The following IL6ST variants were observed in gnomAD, a reference collection of about 807,000 sequenced individuals.
IL6ST encodes interleukin 6 cytokine family signal transducer, also known as interleukin-6 receptor subunit beta.
A neutral mutation model predicts 91.3 loss-of-function variants in IL6ST; 24 were observed. That is an observed-to-expected ratio of 0.26 (90% confidence interval 0.19 to 0.37). The LOEUF is 0.37. Ranked by LOEUF, IL6ST falls within the 10% of genes least tolerant of loss-of-function variation. The pLI is 1.00. For synonymous variants in IL6ST, 351 were observed against 373.6 expected, an observed-to-expected ratio of 0.94 and a Z score of 0.70; for missense variants, 914 against 1,078.5, an observed-to-expected ratio of 0.85 and a Z score of 2.14.
intron 1 of IL6ST, among the ~76,000 whole-genome samples, chr5:55,991,053 T>C (rs1261273494): frequency 1.3e-5 from 2 of 152,202 alleles, no homozygotes; most frequent in African/African-American, 4.8e-5. Context: ...TCCATGTCCC[T>C]ACAAAGGACA....
chr5:55,979,698 A>G (rs1753529828), intron 2 of IL6ST, among the ~76,000 whole-genome samples: 1 of 152,228 alleles, frequency 6.6e-6, no homozygotes, highest in South Asian at 2.1e-4. Context: ...AAAACAAAGA[A>G]AAAAGCTCTA....
rs138205220 is a variant in IL6ST at position 55,941,607 on chromosome 5, A to G, written c.2232T>C (p.Ser744=). 23 of 1,614,056 alleles carry G rather than the reference A, an allele frequency of 1.4e-5. No individual in the cohort carries two copies. Among genetic ancestry groups the G allele is most frequent in the Non-Finnish European group, 1.7e-6 (2 of 1,180,014 alleles). ...TGTTTTGTGAAGATTCATTTTCATCACTGCTAGAAATGCTTGGCCTAGAAG... is the reference window on the plus strand; with the variant it reads ...TGTTTTGTGAAGATTCATTTTCATCGCTGCTAGAAATGCTTGGCCTAGAAG... ...MSSSRPSISS[S]DENESSQNTS... Residue 744 remains serine (S), a synonymous_variant, in exon 17 of 17, where the codon AGT becomes AGC. Transcript: ENST00000381298.
intron 1 of IL6ST, among the ~76,000 whole-genome samples, chr5:55,989,379 C>T (rs28508575): frequency 0.051 from 7,820 of 151,942 alleles, 708 homozygotes; most frequent in African/African-American, 0.18. Flanking sequence ...AAAAAAGAAC[C>T]CCATTTCATC....
intron 5 of IL6ST, among the ~76,000 whole-genome samples, chr5:55,966,959 A>G (rs1417799756): frequency 1.3e-5 from 2 of 151,978 alleles, no homozygotes; most frequent in Non-Finnish European, 2.9e-5. Context: ...TGGGGAAAAA[A>G]AAAAAATCAA....
Position 55,936,708 on chromosome 5 carries a change from G to C in IL6ST, c.*4374C>G, listed in dbSNP as rs755641316. 2.7e-4 allele frequency: 52 copies of C among 192,076 alleles called. No homozygotes were observed. The highest frequency in any genetic ancestry group is 4.1e-4 in the Non-Finnish European group (38 of 91,930). The allele number at this position is 192,076 out of a possible 1,614,324, so 11.9% of individuals were successfully genotyped here. ...AAGGGATTAGAGCTAATATATAATA[G>C]AACATTTAATATAACATTTGGAGTT... On this transcript the variant is annotated 3_prime_UTR_variant, in exon 17 of 17. Coordinates refer to ENST00000381298, the MANE Select transcript of IL6ST (RefSeq NM_002184.4).
rs1393295834 is a variant in IL6ST at position 55,936,472 on chromosome 5, C to T, written c.*4610G>A. ...CCATCTCCATTCTATGTTATTAAGA[C>T]CAAGATAGTGTACTGGTTTTCTTTT... On this transcript the variant is annotated 3_prime_UTR_variant, in exon 17 of 17. Coordinates refer to ENST00000381298, the MANE Select transcript of IL6ST (RefSeq NM_002184.4). 9.4e-6 allele frequency: 2 copies of T among 213,494 alleles called. No individual in the cohort carries two copies. The highest frequency in any genetic ancestry group is 1.9e-5 in the Non-Finnish European group (2 of 106,332). 13.2% of individuals were successfully genotyped at this position (213,494 alleles called of 1,614,324 possible). A position where few individuals can be genotyped will look rare whatever the true frequency, so the allele number is the denominator to read the frequency against.
intron 1 of IL6ST, among the ~76,000 whole-genome samples, chr5:55,985,264 C>T (rs73122422): frequency 0.033 from 5,045 of 152,028 alleles, 283 homozygotes; most frequent in African/African-American, 0.11. Context: ...ACTTGTAATC[C>T]CATCACTTTG....
At chr5:55,960,957 G>A (rs1752275908) in intron 7 of IL6ST, among the ~76,000 whole-genome samples, 1 of 151,956 alleles carries the variant, frequency 6.6e-6, no homozygotes, top group Non-Finnish European at 1.5e-5. Flanking sequence ...TTGAGACAGA[G>A]TCTCCCTCTG....
At chr5:55,960,878 G>T (rs944908896) in intron 7 of IL6ST, among the ~76,000 whole-genome samples, 1 of 152,026 alleles carries the variant, frequency 6.6e-6, no homozygotes, top group African/African-American at 2.4e-5. Flanking sequence ...CAATCCACTT[G>T]CCTCGGCCTC....
In IL6ST at chr5:55,940,188, A is replaced by G. The variant is rs1337787872; in HGVS notation, c.*894T>C. ...GCAATTTAAGCCTTTTAACATGCCAATTTTTTAGATGCTTTATTGGTTTTT... is the reference window on the plus strand; with the variant it reads ...GCAATTTAAGCCTTTTAACATGCCAGTTTTTTAGATGCTTTATTGGTTTTT... On this transcript the variant is annotated 3_prime_UTR_variant, in exon 17 of 17. Coordinates refer to ENST00000381298, the MANE Select transcript of IL6ST (RefSeq NM_002184.4). 4.8e-6 allele frequency: 1 copy of G among 207,578 alleles called. No individual in the cohort carries two copies. Among genetic ancestry groups the G allele is most frequent in the African/African-American group, 2.3e-5 (1 of 43,830 alleles). The allele number at this position is 207,578 out of a possible 1,614,324, so 12.9% of individuals were successfully genotyped here.
intron 2 of IL6ST, among the ~76,000 whole-genome samples, chr5:55,980,445 G>T (rs11747625): frequency 0.088 from 13,450 of 152,176 alleles, 675 homozygotes; most frequent in Middle Eastern, 0.14. Context: ...AGCTACTTGG[G>T]AGGCTGAGGC....
At position 55,937,734 on chromosome 5, in the gene IL6ST, ATTT is replaced by A. The variant is rs895383863; in HGVS notation, c.*3345_*3347del. On this transcript the variant is annotated 3_prime_UTR_variant, in exon 17 of 17. Coordinates refer to ENST00000381298, the MANE Select transcript of IL6ST (RefSeq NM_002184.4). ...CTGTAATAGAAAGCTATCCCAGTAA[ATTT>A]TTTTTGAACAATTGAACTTTTGTCT... 43 of 193,960 alleles carry A rather than the reference ATTT, an allele frequency of 2.2e-4. No homozygotes were observed. Among genetic ancestry groups the A allele is most frequent in the African/African-American group, 9.3e-4 (40 of 43,140 alleles). 12.0% of individuals were successfully genotyped at this position (193,960 alleles called of 1,614,324 possible). A position where few individuals can be genotyped will look rare whatever the true frequency, so the allele number is the denominator to read the frequency against.
intron 2 of IL6ST, among the ~76,000 whole-genome samples, chr5:55,981,764 T>C (rs1221854047): frequency 6.6e-6 from 1 of 152,228 alleles, no homozygotes; most frequent in African/African-American, 2.4e-5. Context: ...ACCTCACCTC[T>C]TGCAGAGTTT....
Position 55,937,343 on chromosome 5 carries a change from CT to C in IL6ST, c.*3738del. The C allele has an allele frequency of 4.7e-6, 1 of 212,442 alleles. No homozygotes were observed. The highest frequency in any genetic ancestry group is 9.5e-6 in the Non-Finnish European group (1 of 104,954). The allele number at this position is 212,442 out of a possible 1,614,324, so 13.2% of individuals were successfully genotyped here. A position where few individuals can be genotyped will look rare whatever the true frequency, so the allele number is the denominator to read the frequency against. On this transcript the variant is annotated 3_prime_UTR_variant, in exon 17 of 17. Coordinates refer to ENST00000381298, the MANE Select transcript of IL6ST (RefSeq NM_002184.4). ...AGAAGAGCTCACCCTGAGCTGCCAC[CT>C]TTTAATTTTTAATGCAATGTATATG...
At chr5:55,968,021 T>C (rs1752739882) in intron 5 of IL6ST, among the ~76,000 whole-genome samples, 1 of 152,126 alleles carries the variant, frequency 6.6e-6, no homozygotes, top group South Asian at 2.1e-4. Flanking sequence ...GGTCTCGAAC[T>C]CCTGACCTCA....
intron 2 of IL6ST, among the ~76,000 whole-genome samples, chr5:55,979,752 T>A (rs760491460): frequency 6.6e-6 from 1 of 152,196 alleles, no homozygotes; most frequent in Non-Finnish European, 1.5e-5. Flanking sequence ...CAATCAAAAT[T>A]AAAACACACA....
At chr5:55,946,530 G>A (rs1751260262) in intron 15 of IL6ST, among the ~76,000 whole-genome samples, 1 of 152,118 alleles carries the variant, frequency 6.6e-6, no homozygotes, top group South Asian at 2.1e-4. Flanking sequence ...AAAGGAAAAA[G>A]GTAGGCCAGG....
chr5:55,964,595 A>G (rs1050162866), intron 5 of IL6ST, among the ~76,000 whole-genome samples: 2 of 152,010 alleles, frequency 1.3e-5, no homozygotes, highest in Admixed American at 1.3e-4. Flanking sequence ...AAAATTATCT[A>G]TTTCCTTGTG....
At chr5:55,964,085 T>C (rs1283614560) in intron 6 of IL6ST, 61 bp downstream of exon 6, 1 of 789,636 alleles carries the variant, frequency 1.3e-6, no homozygotes, top group African/African-American at 1.8e-5. Flanking sequence ...ATATAAAAAC[T>C]ACTTTAATTT....
Sources: gnomAD v4.1 joint callset for allele counts (sites outside exome capture counted in the v4.1 genomes callset) on GRCh38, gnomAD v4.1.1 for gene constraint, MANE v1.5 for transcripts, NCBI Gene and HGNC (gene_info 2026-07-23, HGNC 2026-07-21) for gene names.